MTR: variants seen among roughly 807,000 people sequenced by gnomAD.
MTR encodes 5-methyltetrahydrofolate-homocysteine methyltransferase.
MTR carries 84 observed loss-of-function variants against 154.8 expected under a neutral mutation model. That is an observed-to-expected ratio of 0.54 (90% CI 0.45 to 0.65). The LOEUF (loss-of-function observed/expected upper bound fraction) is 0.65, where lower values mean the gene tolerates loss of function less well. Ranked by LOEUF, MTR falls within the 30% of genes least tolerant of loss-of-function variation. The pLI, the probability that MTR is intolerant of heterozygous loss-of-function variation, is 0.00. For synonymous variants in MTR, 554 were observed against 553.9 expected (o/e 1.00, Z 0.00); for missense variants, 1,275 against 1,570.2 (o/e 0.81, Z 3.18).
chr1:236,824,601 C>G (rs1662173939), intron 9 of MTR, among the ~76,000 whole-genome samples: 1 of 152,144 alleles, frequency 6.6e-6, no homozygotes, highest in Non-Finnish European at 1.5e-5. Flanking sequence ...TTACCTTTTT[C>G]TTCTCTGAAA....
At chr1:236,874,570 CAAA>C (rs763802762) in intron 23 of MTR, among the ~76,000 whole-genome samples, 153 bp from the exon 24 acceptor site, 2 of 119,432 alleles carry the variant, frequency 1.7e-5, no homozygotes, top group Admixed American at 8.6e-5. Flanking sequence ...GACTCCATCT[CAAA>C]AAAAAAAAAA....
At chr1:236,874,183 T>C (rs987698190) in intron 23 of MTR, among the ~76,000 whole-genome samples, 1 of 152,198 alleles carries the variant, frequency 6.6e-6, no homozygotes, top group African/African-American at 2.4e-5. Flanking sequence ...TTCCTAAAAC[T>C]ATGGCAAGTA....
chr1:236,900,619 T>G lies in MTR; in HGVS notation c.*2975T>G, dbSNP rs1354280533. The G allele has an allele frequency of 1.3e-5, 2 of 152,212 alleles. No individual in the cohort carries two copies. The highest frequency in any genetic ancestry group is 1.3e-4 in the Admixed American group (2 of 15,292). The allele number at this position is 152,212 out of a possible 1,614,324, so 9.4% of individuals were successfully genotyped here. On this transcript the variant is annotated 3_prime_UTR_variant, in exon 33 of 33. Coordinates refer to ENST00000366577, the MANE Select transcript of MTR (RefSeq NM_000254.3). Reference sequence around the variant, plus strand: ...ACAGTTTTTTACATATTAAATATGTTCTACTTAAATATATTATAAAAAATA... The same window carrying G: ...ACAGTTTTTTACATATTAAATATGTGCTACTTAAATATATTATAAAAAATA...
intron 17 of MTR, 55 bp downstream of exon 17, chr1:236,852,692 G>T: frequency 3.3e-6 from 5 of 1,494,376 alleles, no homozygotes; most frequent in Non-Finnish European, 4.7e-6. Flanking sequence ...TGGGGCAGGG[G>T]TTTTCAAAGT....
chr1:236,827,317 G>A lies in MTR; in HGVS notation c.995+421G>A, dbSNP rs545454690. On this transcript the variant is annotated intron_variant, in intron 11 of 32. Transcript: ENST00000366577. Reference sequence around the variant, plus strand: ...TGTTATTTAAGCCACCCAATCTTTGGCACTTTGTTATGGCAGCCCTTCCTA... The same window carrying A: ...TGTTATTTAAGCCACCCAATCTTTGACACTTTGTTATGGCAGCCCTTCCTA... 5.8e-4 allele frequency among the ~76,000 whole-genome samples: 88 copies of A among 152,242 alleles called. 1 individual carries two copies. The South Asian group carries it at 0.017, about 30-fold the overall frequency.
chr1:236,865,331 G>A (rs531620072), intron 22 of MTR, among the ~76,000 whole-genome samples: 2 of 152,346 alleles, frequency 1.3e-5, no homozygotes, highest in African/African-American at 4.8e-5. Flanking sequence ...TGGCTTGTGT[G>A]TGATAACACA....
intron 18 of MTR, among the ~76,000 whole-genome samples, chr1:236,853,768 G>A (rs1226532002): frequency 1.3e-5 from 2 of 152,126 alleles, no homozygotes; most frequent in Non-Finnish European, 1.5e-5. Flanking sequence ...GCAAAGTTCT[G>A]CAGTTCAAGG....
chr1:236,897,310 G>GCA (rs57786802), intron 32 of MTR, among the ~76,000 whole-genome samples, 192 bp downstream of exon 32: 10,217 of 128,706 alleles, frequency 0.079, 532 homozygotes, highest in African/African-American at 0.14. Context: ...CCACACACAC[G>GCA]CACACACACA....
At chr1:236,806,693 T>C (rs1558273903) in intron 3 of MTR, among the ~76,000 whole-genome samples, 1 of 152,198 alleles carries the variant, frequency 6.6e-6, no homozygotes, top group Non-Finnish European at 1.5e-5. Context: ...TCCAGAACTT[T>C]CTCATTTTCC....
intron 22 of MTR, among the ~76,000 whole-genome samples, chr1:236,872,921 G>T (rs1283069672): frequency 6.6e-6 from 1 of 152,204 alleles, no homozygotes; most frequent in Non-Finnish European, 1.5e-5. Flanking sequence ...GGAGGTCAAG[G>T]CTGCAGTGAG....
intron 26 of MTR, 93 bp from the exon 27 acceptor site, chr1:236,886,199 C>CA (rs1456819845): frequency 2.9e-6 from 3 of 1,018,836 alleles, no homozygotes; most frequent in African/African-American, 1.6e-5. Flanking sequence ...TGCTTTCTTG[C>CA]AAAGCTTACA....
intron 31 of MTR, among the ~76,000 whole-genome samples, chr1:236,896,594 G>T (rs1666637612): frequency 6.6e-6 from 1 of 152,196 alleles, no homozygotes; most frequent in African/African-American, 2.4e-5. Context: ...CTTCTTCACT[G>T]GAGCTCTCAG....
intron 16 of MTR, among the ~76,000 whole-genome samples, chr1:236,850,800 C>A (rs191187251): frequency 2.5e-4 from 38 of 152,124 alleles, no homozygotes; most frequent in Non-Finnish European, 5.1e-4. Flanking sequence ...CCAGTGCGCT[C>A]TAGCCTGGGC....
At chr1:236,801,628 A>G (rs1369827216) in intron 1 of MTR, among the ~76,000 whole-genome samples, 1 of 152,210 alleles carries the variant, frequency 6.6e-6, no homozygotes, top group Non-Finnish European at 1.5e-5. Context: ...AATTAAAGAA[A>G]TATTTGCCAA....
intron 7 of MTR, 82 bp from the exon 8 acceptor site, chr1:236,816,365 CAG>C: frequency 1.8e-6 from 2 of 1,126,040 alleles, no homozygotes; most frequent in Non-Finnish European, 2.7e-6. Context: ...CAAAGGAAGT[CAG>C]TGTGTTCATT....
intron 28 of MTR, among the ~76,000 whole-genome samples, chr1:236,890,734 G>A (rs1013055526): frequency 6.6e-6 from 1 of 152,182 alleles, no homozygotes; most frequent in Non-Finnish European, 1.5e-5. Context: ...CACGGAATAC[G>A]AGGCACAGGT....
chr1:236,842,064 TG>T (rs1388863843), intron 15 of MTR, among the ~76,000 whole-genome samples: 2 of 152,174 alleles, frequency 1.3e-5, no homozygotes, highest in Non-Finnish European at 2.9e-5. Flanking sequence ...GCTAATTTTT[TG>T]TATTTTTAGT....
At chr1:236,799,916 C>A in intron 1 of MTR, 1 of 298,904 alleles carries the variant, frequency 3.3e-6, no homozygotes, top group Non-Finnish European at 4.9e-6. Flanking sequence ...AAAACCAAAG[C>A]AGATGTTTTT....
At chr1:236,823,062 A>T (rs1223921846) in intron 8 of MTR, among the ~76,000 whole-genome samples, 4 of 152,308 alleles carry the variant, frequency 2.6e-5, no homozygotes, top group African/African-American at 9.6e-5. Flanking sequence ...TTGTTAAATA[A>T]ACTTAATTTT....
Sources: allele counts gnomAD v4.1 joint callset (sites outside exome capture counted in the v4.1 genomes callset), GRCh38; gene constraint gnomAD v4.1.1; transcripts MANE v1.5; gene names NCBI Gene and HGNC (gene_info 2026-07-23, HGNC 2026-07-21).